Variants in GPC5 observed in about 807,000 individuals in gnomAD.
GPC5 encodes the protein glypican-5.
In GPC5, 47 loss-of-function variants were observed where a neutral mutation model predicts 53.9. That is an observed-to-expected ratio of 0.87 (90% CI 0.69 to 1.11). The LOEUF (loss-of-function observed/expected upper bound fraction) is 1.11, where lower values mean the gene tolerates loss of function less well. Ranked by LOEUF, GPC5 falls within the 50% of genes most tolerant of loss-of-function variation. The pLI is 0.00. For synonymous variants in GPC5, 286 were observed against 263.3 expected (o/e 1.09, Z -0.84); for missense variants, 748 against 713.1 (o/e 1.05, Z -0.56).
intron 2 of GPC5, among the ~76,000 whole-genome samples, chr13:91,647,333 T>A (rs2034585670): frequency 6.6e-6 from 1 of 152,224 alleles, no homozygotes; most frequent in African/African-American, 2.4e-5. Context: ...CTTGACCCTG[T>A]TATTAAACCG....
intron 1 of GPC5, among the ~76,000 whole-genome samples, chr13:91,417,118 A>C (rs1878293440): frequency 6.6e-6 from 1 of 152,146 alleles, no homozygotes; most frequent in Middle Eastern, 3.2e-3. Flanking sequence ...CTGAGGGAGA[A>C]ATAAGAGTCT....
chr13:91,543,995 A>G (rs896178389), intron 2 of GPC5, among the ~76,000 whole-genome samples: 2 of 152,122 alleles, frequency 1.3e-5, no homozygotes, highest in Non-Finnish European at 2.9e-5. Context: ...CTTGCTGTAT[A>G]TTTGAAATTT....
chr13:91,487,529 G>A (rs574409969), intron 2 of GPC5, among the ~76,000 whole-genome samples: 7 of 152,054 alleles, frequency 4.6e-5, no homozygotes, highest in Non-Finnish European at 7.4e-5. Flanking sequence ...GGAATACTAG[G>A]GTAGGGCCCC....
At chr13:92,072,005 A>G (rs1305085277) in intron 6 of GPC5, among the ~76,000 whole-genome samples, 1 of 146,080 alleles carries the variant, frequency 6.8e-6, no homozygotes, top group East Asian at 2.0e-4. Flanking sequence ...ATATGTATTG[A>G]TAGGTATTTA....
At chr13:92,788,127 A>G (rs1358393603) in intron 7 of GPC5, among the ~76,000 whole-genome samples, 3 of 152,136 alleles carry the variant, frequency 2.0e-5, no homozygotes, top group African/African-American at 7.2e-5. Context: ...AAGAAGGCCT[A>G]TTTCAAAATG....
intron 7 of GPC5, among the ~76,000 whole-genome samples, chr13:92,786,106 G>A (rs190010996): frequency 6.7e-6 from 1 of 148,740 alleles, no homozygotes; most frequent in Non-Finnish European, 1.5e-5. Context: ...CTCAAATGTC[G>A]ATTAATTTGG....
intron 2 of GPC5, among the ~76,000 whole-genome samples, chr13:91,670,573 C>T (rs2035221122): frequency 6.6e-6 from 1 of 152,080 alleles, no homozygotes; most frequent in African/African-American, 2.4e-5. Context: ...AAAGAAAATC[C>T]ATGATTTTTC....
intron 7 of GPC5, among the ~76,000 whole-genome samples, chr13:92,753,757 A>G (rs1378205556): frequency 6.6e-6 from 1 of 152,134 alleles, no homozygotes; most frequent in Non-Finnish European, 1.5e-5. Context: ...AATGAAATGA[A>G]GCGAGAAGGG....
intron 1 of GPC5, among the ~76,000 whole-genome samples, chr13:91,446,683 A>G (rs1366524301): frequency 3.9e-5 from 6 of 152,192 alleles, no homozygotes. Flanking sequence ...TGTGAACAAA[A>G]TGTAAGAGAT....
chr13:91,408,495 C>A (rs778808746), intron 1 of GPC5, among the ~76,000 whole-genome samples: 1 of 152,030 alleles, frequency 6.6e-6, no homozygotes, highest in Non-Finnish European at 1.5e-5. Context: ...GACCTCTTTT[C>A]AATGGTAGCA....
intron 2 of GPC5, among the ~76,000 whole-genome samples, chr13:91,594,688 G>A (rs2032925395): frequency 6.6e-6 from 1 of 151,634 alleles, no homozygotes; most frequent in Non-Finnish European, 1.5e-5. Flanking sequence ...ATTTTGTTGT[G>A]TTTGTTTTGA....
intron 6 of GPC5, among the ~76,000 whole-genome samples, chr13:91,950,240 T>C (rs1386334978): frequency 1.3e-5 from 2 of 150,510 alleles, no homozygotes; most frequent in South Asian, 4.2e-4. Flanking sequence ...GCAGAATTTT[T>C]CCCTGAATTT....
intron 7 of GPC5, among the ~76,000 whole-genome samples, chr13:92,818,377 T>TA (rs1406556595): frequency 1.3e-5 from 2 of 151,990 alleles, no homozygotes; most frequent in African/African-American, 2.4e-5. Context: ...AATTCTTTAT[T>TA]AAAAAATAAT....
At chr13:92,384,142 C>T (rs185725286) in intron 7 of GPC5, among the ~76,000 whole-genome samples, 8 of 150,234 alleles carry the variant, frequency 5.3e-5, no homozygotes, top group Non-Finnish European at 1.0e-4. Flanking sequence ...TTTTTTCACT[C>T]CAGGTTATTT....
At chr13:92,250,283 G>C (rs1161168647) in intron 7 of GPC5, among the ~76,000 whole-genome samples, 1 of 152,138 alleles carries the variant, frequency 6.6e-6, no homozygotes, top group East Asian at 1.9e-4. Context: ...GTTTTAGGCA[G>C]AGTTTTGCTC....
At chr13:91,594,463 C>G (rs975180221) in intron 2 of GPC5, among the ~76,000 whole-genome samples, 2 of 152,124 alleles carry the variant, frequency 1.3e-5, no homozygotes, top group Non-Finnish European at 2.9e-5. Flanking sequence ...GTATGTCTCT[C>G]CTTGAGCTTT....
chr13:92,608,602 A>G (rs1244174284), intron 7 of GPC5, among the ~76,000 whole-genome samples: 3 of 152,220 alleles, frequency 2.0e-5, no homozygotes, highest in African/African-American at 7.2e-5. Flanking sequence ...TGGAAGAAGT[A>G]TCCAATATAA....
At chr13:92,362,667 G>A (rs12875312) in intron 7 of GPC5, among the ~76,000 whole-genome samples, 1,541 of 151,744 alleles carry the variant, frequency 0.01, 30 homozygotes, top group Middle Eastern at 0.048. Context: ...TGGCCCTTTG[G>A]TTTCTCCCAT....
chr13:92,074,501 C>G (rs760473235), intron 6 of GPC5, among the ~76,000 whole-genome samples: 11 of 152,114 alleles, frequency 7.2e-5, no homozygotes, highest in Non-Finnish European at 1.5e-4. Context: ...TGTGAATATT[C>G]CAACTTTGGC....
Sources: allele counts gnomAD v4.1 joint callset (sites outside exome capture counted in the v4.1 genomes callset), GRCh38; gene constraint gnomAD v4.1.1; transcripts MANE v1.5; gene names NCBI Gene and HGNC (gene_info 2026-07-23, HGNC 2026-07-21).